LRMDA: variants seen among roughly 807,000 people sequenced by gnomAD.
LRMDA encodes leucine-rich melanocyte differentiation-associated protein.
A neutral mutation model predicts 29.8 loss-of-function variants in LRMDA; 18 were observed. That is an observed-to-expected ratio of 0.60 (90% CI 0.42 to 0.90). The LOEUF is 0.90. Ranked by LOEUF, LRMDA falls within the 40% of genes least tolerant of loss-of-function variation. The pLI is 0.00. For missense variants in LRMDA, 273 were observed against 273.9 expected, an observed-to-expected ratio of 1.00 and a Z score of 0.02; for synonymous variants, 125 against 109.4, an observed-to-expected ratio of 1.14 and a Z score of -0.89.
At chr10:76,421,123 T>C (rs937546983) in intron 6 of LRMDA, among the ~76,000 whole-genome samples, 1 of 152,198 alleles carries the variant, frequency 6.6e-6, no homozygotes, top group African/African-American at 2.4e-5. Flanking sequence ...GAGAGAAGTA[T>C]GCTAAAACCT....
At chr10:75,563,419 T>G (rs1381010168) in intron 2 of LRMDA, among the ~76,000 whole-genome samples, 1 of 152,130 alleles carries the variant, frequency 6.6e-6, no homozygotes, top group Non-Finnish European at 1.5e-5. Flanking sequence ...GTTATGCTAG[T>G]TATACATTTG....
intron 2 of LRMDA, among the ~76,000 whole-genome samples, chr10:75,694,587 T>C (rs1012331689): frequency 2.0e-5 from 3 of 152,196 alleles, no homozygotes; most frequent in African/African-American, 7.2e-5. Flanking sequence ...GAATTCCCAC[T>C]TTTTAATCTC....
intron 2 of LRMDA, among the ~76,000 whole-genome samples, chr10:75,591,484 G>T (rs1840723684): frequency 6.6e-6 from 1 of 152,168 alleles, no homozygotes; most frequent in South Asian, 2.1e-4. Flanking sequence ...CCTTCCTGAG[G>T]TCTTTTTATT....
intron 2 of LRMDA, among the ~76,000 whole-genome samples, chr10:75,665,711 T>C (rs1448623833): frequency 2.6e-5 from 4 of 152,236 alleles, no homozygotes; most frequent in Non-Finnish European, 5.9e-5. Context: ...AATTTGAAAT[T>C]GGTGGAAAAG....
chr10:76,415,600 GTA>G (rs890326705), intron 6 of LRMDA, among the ~76,000 whole-genome samples: 2 of 133,588 alleles, frequency 1.5e-5, no homozygotes, highest in African/African-American at 2.5e-5. Flanking sequence ...GCTGGGGCGT[GTA>G]TGTGTGTGTG....
chr10:76,011,118 C>CT (rs959011406), intron 2 of LRMDA, among the ~76,000 whole-genome samples: 3 of 152,016 alleles, frequency 2.0e-5, no homozygotes, highest in Non-Finnish European at 2.9e-5. Context: ...TCAGTGTTAA[C>CT]TTTTTTTTAG....
At chr10:76,282,912 G>A (rs1236143698) in intron 5 of LRMDA, among the ~76,000 whole-genome samples, 1 of 152,066 alleles carries the variant, frequency 6.6e-6, no homozygotes, top group African/African-American at 2.4e-5. Flanking sequence ...TCAATTTCAT[G>A]TCCAAACAGA....
chr10:75,453,576 A>G (rs1201748894), intron 2 of LRMDA, among the ~76,000 whole-genome samples: 1 of 152,138 alleles, frequency 6.6e-6, no homozygotes, highest in Non-Finnish European at 1.5e-5. Context: ...AACCCTCTAG[A>G]GGTTTAAATA....
At chr10:75,988,862 A>C (rs1430852497) in intron 2 of LRMDA, among the ~76,000 whole-genome samples, 2 of 151,912 alleles carry the variant, frequency 1.3e-5, no homozygotes, top group African/African-American at 4.8e-5. Context: ...GACCTATTGG[A>C]TGTCTTTTTC....
chr10:75,691,224 A>G (rs1842151928), intron 2 of LRMDA, among the ~76,000 whole-genome samples: 1 of 141,306 alleles, frequency 7.1e-6, no homozygotes, highest in Non-Finnish European at 1.5e-5. Flanking sequence ...ATATATACAC[A>G]TATATGTGTG....
chr10:76,004,739 T>G (rs1030269365), intron 2 of LRMDA, among the ~76,000 whole-genome samples: 1 of 150,704 alleles, frequency 6.6e-6, no homozygotes, highest in Admixed American at 6.6e-5. Context: ...TTTTTTTTTT[T>G]TTTTTTGAGA....
intron 4 of LRMDA, among the ~76,000 whole-genome samples, chr10:76,056,358 G>A (rs1255387776): frequency 6.6e-6 from 1 of 152,210 alleles, no homozygotes; most frequent in Non-Finnish European, 1.5e-5. Flanking sequence ...TACGAAACTG[G>A]TAGCCCAGCC....
At chr10:76,152,753 A>G (rs573664944) in intron 5 of LRMDA, among the ~76,000 whole-genome samples, 17 of 152,246 alleles carry the variant, frequency 1.1e-4, no homozygotes, top group Admixed American at 2.0e-4. Flanking sequence ...TTTCATTTGT[A>G]CTACTCTAAA....
chr10:75,828,136 T>A (rs1844277730), intron 2 of LRMDA, among the ~76,000 whole-genome samples: 1 of 152,142 alleles, frequency 6.6e-6, no homozygotes, highest in Non-Finnish European at 1.5e-5. Flanking sequence ...TTTAAACTGT[T>A]TTTATGTTTG....
At chr10:76,138,565 G>A (rs1020286546) in intron 5 of LRMDA, among the ~76,000 whole-genome samples, 8 of 152,172 alleles carry the variant, frequency 5.3e-5, no homozygotes, top group African/African-American at 1.9e-4. Flanking sequence ...ATATTGGGAC[G>A]CAGAGTAAGT....
intron 2 of LRMDA, among the ~76,000 whole-genome samples, chr10:75,941,659 C>T (rs912727039): frequency 3.3e-5 from 5 of 152,116 alleles, no homozygotes; most frequent in African/African-American, 7.2e-5. Context: ...TTCCTAAGAG[C>T]GAGCCACCTG....
At chr10:76,223,167 AATG>A (rs1307379773) in intron 5 of LRMDA, among the ~76,000 whole-genome samples, 2 of 152,062 alleles carry the variant, frequency 1.3e-5, no homozygotes, top group Non-Finnish European at 1.5e-5. Flanking sequence ...CCTAATGCTA[AATG>A]ACGAGTTAAT....
chr10:75,445,571 C>CA (rs199980793), intron 2 of LRMDA, among the ~76,000 whole-genome samples: 5 of 456 alleles, frequency 0.011, no homozygotes, highest in Admixed American at 0.031. Flanking sequence ...GTGCTTTAGC[C>CA]GGGTTGGTTC....
intron 2 of LRMDA, among the ~76,000 whole-genome samples, chr10:75,573,985 C>CTT (rs34394750): frequency 4.1e-5 from 6 of 147,086 alleles, no homozygotes; most frequent in African/African-American, 1.5e-4. Flanking sequence ...TGCAGAAGGC[C>CTT]TTTTTTTTTT....
Sources: allele counts gnomAD v4.1 joint callset (sites outside exome capture counted in the v4.1 genomes callset), GRCh38; gene constraint gnomAD v4.1.1; transcripts MANE v1.5; gene names NCBI Gene and HGNC (gene_info 2026-07-23, HGNC 2026-07-21).